PAPOLA: variants seen among roughly 807,000 people sequenced by gnomAD.
PAPOLA encodes polynucleotide adenylyltransferase alpha.
PAPOLA carries 15 observed loss-of-function variants against 100.6 expected under a neutral mutation model. The observed-to-expected ratio is 0.15, with a 90% confidence interval of 0.10 to 0.23. PAPOLA has a LOEUF of 0.23. Among genes scored for constraint, PAPOLA ranks in the 10% least tolerant of loss-of-function variants. The probability of loss-of-function intolerance (pLI) is 1.00; values close to 1 mark genes in which losing one functional copy is unlikely to be tolerated. For synonymous variants in PAPOLA, 293 were observed against 300.0 expected, an observed-to-expected ratio of 0.98 and a Z score of 0.24; for missense variants, 533 against 884.2, an observed-to-expected ratio of 0.60 and a Z score of 5.04.
intron 9 of PAPOLA, chr14:96,533,799 C>T (rs981520719): frequency 6.7e-5 from 45 of 671,428 alleles, no homozygotes; most frequent in East Asian, 2.7e-4. Context: ...ATAATCCGCC[C>T]GCCTCGGCCT....
At position 96,529,609 on chromosome 14, in the gene PAPOLA, C is replaced by G. The variant is rs10467874; in HGVS notation, c.495+1603C>G. The stretch of plus-strand genomic sequence containing the variant: ...TGGTGGCGTGTGCCTGTAGTCCCAG[C>G]TACTTAGGAGACTGAGGCAGGAGAA... On this transcript the variant is annotated intron_variant, in intron 6 of 21. Transcript: ENST00000216277. Among the ~76,000 whole-genome samples the G allele has an allele frequency of 1.8e-3, 268 of 151,978 alleles. 3 individuals are homozygous for G. Among genetic ancestry groups the G allele is most frequent in the African/African-American group, 6.3e-3 (262 of 41,422 alleles).
chr14:96,533,033 GTT>G, intron 9 of PAPOLA: 1 of 903,390 alleles, frequency 1.1e-6, no homozygotes, highest in Non-Finnish European at 1.3e-6. Flanking sequence ...TCTTGTGATT[GTT>G]TTTTTTTTCT....
chr14:96,563,299 AT>A (rs1239298629), intron 21 of PAPOLA, among the ~76,000 whole-genome samples: 17 of 152,204 alleles, frequency 1.1e-4, no homozygotes, highest in African/African-American at 3.4e-4. Flanking sequence ...TTTCTGCCTT[AT>A]TTTTCCACTA....
chr14:96,538,917 A>G (rs554859814), intron 12 of PAPOLA, among the ~76,000 whole-genome samples: 1 of 152,208 alleles, frequency 6.6e-6, no homozygotes, highest in South Asian at 2.1e-4. Flanking sequence ...GTAGGATTTT[A>G]AATCATGTGA....
chr14:96,553,320 C>T (rs1901004517), intron 17 of PAPOLA: 2 of 152,416 alleles, frequency 1.3e-5, no homozygotes, highest in African/African-American at 4.8e-5. Flanking sequence ...CAAGACCAGC[C>T]TGGGCAACGT....
At chr14:96,514,425 C>T (rs1053188677) in intron 1 of PAPOLA, among the ~76,000 whole-genome samples, 17 of 152,036 alleles carry the variant, frequency 1.1e-4, no homozygotes, top group African/African-American at 4.1e-4. Context: ...TCGTGATCCG[C>T]CCGCCTTGGC....
rs750998012 is a variant in PAPOLA at position 96,544,130 on chromosome 14, G to A, written c.1290-19G>A. The A allele has an allele frequency of 7.8e-7, 1 of 1,276,596 alleles. No homozygotes were observed. Among genetic ancestry groups the A allele is most frequent in the Admixed American group, 1.7e-5 (1 of 57,584 alleles). The allele number at this position is 1,276,596 out of a possible 1,614,324, so 79.1% of individuals were successfully genotyped here. On this transcript the variant is annotated intron_variant, in intron 14 of 21. Coordinates refer to ENST00000216277, the MANE Select transcript of PAPOLA (RefSeq NM_032632.5). ...TTTCATGAAATCCAGATAAACTATG[G>A]TAATGCTCTTCTTTGCAGGGAAGAA...
chr14:96,532,862 G>C, intron 9 of PAPOLA: 1 of 1,268,328 alleles, frequency 7.9e-7, no homozygotes, highest in Non-Finnish European at 9.9e-7. Flanking sequence ...GATTCTATTT[G>C]TACTTCCTTG....
At chr14:96,520,884 C>T (rs1168178790) in intron 2 of PAPOLA, 122 bp from the exon 3 acceptor site, 1 of 654,458 alleles carries the variant, frequency 1.5e-6, no homozygotes. Flanking sequence ...GCACTAACTA[C>T]AATATACTGT....
chr14:96,509,281 G>A (rs1166685393), intron 1 of PAPOLA, among the ~76,000 whole-genome samples: 1 of 152,114 alleles, frequency 6.6e-6, no homozygotes, highest in Non-Finnish European at 1.5e-5. Flanking sequence ...ATCCCACCTT[G>A]GCCTCCCAAA....
chr14:96,565,944 TTAAGCCATGATGTGAAACCAATGAC>T lies in PAPOLA; in HGVS notation c.*895_*919del. 2.5e-6 allele frequency: 1 copy of T among 398,444 alleles called. No individual in the cohort carries two copies. The highest frequency in any genetic ancestry group is 3.6e-5 in the East Asian group (1 of 28,054). The allele number at this position is 398,444 out of a possible 1,614,324, so 24.7% of individuals were successfully genotyped here. A position where few individuals can be genotyped will look rare whatever the true frequency, so the allele number is the denominator to read the frequency against. On this transcript the variant is annotated 3_prime_UTR_variant, in exon 22 of 22. Transcript: ENST00000216277. ...TAAGAAACAAAATGCCAGTATTTTC[TTAAGCCATGATGTGAAACCAATGAC>T]CCTGTGACCACATGGCACAGAACAC...
chr14:96,502,448 A>G lies in PAPOLA; in HGVS notation c.-145A>G. Reference sequence around the variant, plus strand: ...AAGGGGAAGGAGGAGAAGCGCTTAAAGCGGCGGGAGCGGTGCGGGAGAGGG... The same window carrying G: ...AAGGGGAAGGAGGAGAAGCGCTTAAGGCGGCGGGAGCGGTGCGGGAGAGGG... On this transcript the variant is annotated 5_prime_UTR_variant, in exon 1 of 22. Transcript: ENST00000216277. 1.4e-6 allele frequency: 1 copy of G among 705,068 alleles called. No homozygotes were observed. Among genetic ancestry groups the G allele is most frequent in the Non-Finnish European group, 2.5e-6 (1 of 393,752 alleles). The allele number at this position is 705,068 out of a possible 1,614,324, so 43.7% of individuals were successfully genotyped here.
rs553904462 is a variant in PAPOLA at position 96,514,200 on chromosome 14, A to G, written c.9-5855A>G. On this transcript the variant is annotated intron_variant, in intron 1 of 21. Coordinates refer to ENST00000216277, the MANE Select transcript of PAPOLA (RefSeq NM_032632.5). Reference sequence around the variant, plus strand: ...GGTATCTTTTTTTTTTTTTTTTGAGACTGAGTCCTGTTCTGTTGCCCAGGC... The same window carrying G: ...GGTATCTTTTTTTTTTTTTTTTGAGGCTGAGTCCTGTTCTGTTGCCCAGGC... 4.8e-5 allele frequency among the ~76,000 whole-genome samples: 7 copies of G among 145,022 alleles called. No homozygotes were observed. The South Asian group carries it at 1.5e-3, about 31-fold the overall frequency.
At chr14:96,534,895 T>C in intron 10 of PAPOLA, 21 of 1,035,592 alleles carry the variant, frequency 2.0e-5, no homozygotes, top group Non-Finnish European at 2.4e-5. Flanking sequence ...TAAAAATCCC[T>C]GTATTTTTTA....
intron 1 of PAPOLA, among the ~76,000 whole-genome samples, chr14:96,511,582 G>GT (rs907613974): frequency 6.6e-6 from 1 of 152,052 alleles, no homozygotes; most frequent in African/African-American, 2.4e-5. Flanking sequence ...TTCTTTAATG[G>GT]TTTTTTTCCC....
intron 10 of PAPOLA, chr14:96,535,545 A>G: frequency 3.0e-6 from 3 of 1,005,130 alleles, no homozygotes; most frequent in Non-Finnish European, 3.6e-6. Flanking sequence ...TCTAAAGGTA[A>G]TTGTATGTGC....
intron 16 of PAPOLA, among the ~76,000 whole-genome samples, chr14:96,548,338 A>G (rs1900557034): frequency 6.6e-6 from 1 of 152,182 alleles, no homozygotes; most frequent in South Asian, 2.1e-4. Flanking sequence ...AATGTAAAAA[A>G]TATAACGTAT....
intron 1 of PAPOLA, among the ~76,000 whole-genome samples, chr14:96,513,167 G>A (rs888666715): frequency 6.6e-6 from 1 of 152,186 alleles, no homozygotes; most frequent in African/African-American, 2.4e-5. Flanking sequence ...GGGCTCAAGA[G>A]ATCCTCTTGC....
At chr14:96,513,320 C>T (rs979044732) in intron 1 of PAPOLA, among the ~76,000 whole-genome samples, 3 of 152,176 alleles carry the variant, frequency 2.0e-5, no homozygotes, top group Non-Finnish European at 4.4e-5. Context: ...CTTCCTACCT[C>T]AGCCTCCCAA....
Sources: allele counts gnomAD v4.1 joint callset (sites outside exome capture counted in the v4.1 genomes callset), GRCh38; gene constraint gnomAD v4.1.1; transcripts MANE v1.5; gene names NCBI Gene and HGNC (gene_info 2026-07-23, HGNC 2026-07-21).